BEND5: variants seen among roughly 807,000 people sequenced by gnomAD.
BEND5 encodes BEN domain-containing protein 5.
BEND5 carries 22 observed loss-of-function variants against 43.9 expected under a neutral mutation model. The ratio of observed to expected loss-of-function variants is 0.50; its 90% confidence interval spans 0.36 to 0.72. The LOEUF (loss-of-function observed/expected upper bound fraction) is 0.72, where lower values mean the gene tolerates loss of function less well. Among genes scored for constraint, BEND5 ranks in the 30% least tolerant of loss-of-function variants. The pLI is 0.00. For synonymous variants in BEND5, 228 were observed against 225.9 expected (o/e 1.01, Z -0.08); for missense variants, 428 against 550.6 (o/e 0.78, Z 2.23).
intron 5 of BEND5, among the ~76,000 whole-genome samples, chr1:48,731,737 ATAACT>A (rs1240168403): frequency 6.6e-6 from 1 of 152,240 alleles, no homozygotes; most frequent in African/African-American, 2.4e-5. Flanking sequence ...CACCATGGTA[ATAACT>A]TAAAGTTCAA....
At chr1:48,768,522 A>G (rs1469294610) in intron 1 of BEND5, among the ~76,000 whole-genome samples, 1 of 152,222 alleles carries the variant, frequency 6.6e-6, no homozygotes, top group Non-Finnish European at 1.5e-5. Flanking sequence ...TAATAGGCAA[A>G]TGGTGTTTTA....
intron 4 of BEND5, among the ~76,000 whole-genome samples, chr1:48,737,199 G>A (rs1384109206): frequency 3.3e-5 from 5 of 152,136 alleles, no homozygotes; most frequent in African/African-American, 7.2e-5. Context: ...CAAGAGAATC[G>A]CTTGAACCTG....
chr1:48,759,239 C>T lies in BEND5; in HGVS notation c.406G>A (p.Glu136Lys), dbSNP rs750979533. The change falls in exon 3 of 6, where the codon GAG becomes AAG. Residue 136 changes from glutamate (E) to lysine (K), a missense_variant. Glu to Lys is a moderately conservative substitution (Grantham distance 56). Around this residue, in one of 4 missense-constraint regions of BEND5, gnomAD observed 243 missense variants for 286.4 expected, o/e 0.85. Coordinates refer to ENST00000371833, the MANE Select transcript of BEND5 (RefSeq NM_024603.4). ...TTCTCTAGCCGAGCCACCACTGCCT[C>T]GATGCTCTTGTGCGCCACTTCGCTC... Reference protein sequence around the residue: ...KPSEVAHKSIEAVVARLEKQN... With the variant: ...KPSEVAHKSIKAVVARLEKQN... The T allele has an allele frequency of 3.1e-6, 5 of 1,591,670 alleles. No individual in the cohort carries two copies. Among genetic ancestry groups the T allele is most frequent in the African/African-American group, 2.7e-5 (2 of 74,404 alleles).
In BEND5 at chr1:48,743,984, C is replaced by A. The variant is rs189637690; in HGVS notation, c.746-1213G>T. Among the ~76,000 whole-genome samples, 30 of 152,296 alleles carry A rather than the reference C, an allele frequency of 2.0e-4. No homozygotes were observed. In the East Asian group the frequency reaches 5.4e-3, roughly 27 times the overall value. ...AATGAAACTTGCACAAAGCTGAATG[C>A]AAGATGGTTGGGGAGCAGAACAGTG... On this transcript the variant is annotated intron_variant, in intron 3 of 5. Coordinates refer to ENST00000371833, the MANE Select transcript of BEND5 (RefSeq NM_024603.4).
chr1:48,766,258 C>T (rs1436964082), intron 1 of BEND5, among the ~76,000 whole-genome samples: 1 of 152,082 alleles, frequency 6.6e-6, no homozygotes, highest in Non-Finnish European at 1.5e-5. Flanking sequence ...AGAAACAAAA[C>T]TCTCCTCCTA....
At chr1:48,765,988 TAAG>T (rs1644509322) in intron 1 of BEND5, among the ~76,000 whole-genome samples, 1 of 152,178 alleles carries the variant, frequency 6.6e-6, no homozygotes, top group African/African-American at 2.4e-5. Flanking sequence ...GTTCCGGAAT[TAAG>T]TAGTAGTGAT....
At position 48,761,388 on chromosome 1, in the gene BEND5, A is replaced by G. The variant is rs923580113; in HGVS notation, c.309T>C (p.Asp103=). The change falls in exon 2 of 6, where the codon GAT becomes GAC. Residue 103 remains aspartate (D), a synonymous_variant. Transcript: ENST00000371833. ...CTTCCCCATAATCTTTAACCTCTCC[A>G]TCTTCTTCTACATGATTAAGAGAAA... is the stretch of plus-strand genomic sequence containing the variant. The part of the protein sequence containing the change: ...PKLSLNHVEE[D]GEVKDYGEED... 10 of 1,551,704 alleles carry G rather than the reference A, an allele frequency of 6.4e-6. No homozygotes were observed. The Middle Eastern group carries it at 5.0e-4, about 77-fold the overall frequency.
At chr1:48,761,608 C>G in intron 1 of BEND5, 138 bp from the exon 2 acceptor site, 1 of 872,418 alleles carries the variant, frequency 1.1e-6, no homozygotes, top group Non-Finnish European at 1.7e-6. Context: ...AGACTCAAGG[C>G]TGGTTCCCTC....
At chr1:48,749,574 C>T (rs1307296663) in intron 3 of BEND5, among the ~76,000 whole-genome samples, 2 of 152,190 alleles carry the variant, frequency 1.3e-5, no homozygotes, top group Non-Finnish European at 2.9e-5. Flanking sequence ...ACTGTACTTT[C>T]CAGAGCTTCT....
chr1:48,747,401 A>C (rs867287499), intron 3 of BEND5, among the ~76,000 whole-genome samples: 4 of 152,244 alleles, frequency 2.6e-5, no homozygotes, highest in African/African-American at 9.6e-5. Context: ...CTTTTCATTC[A>C]ATCATTCATG....
chr1:48,768,180 C>CATG (rs10622727), intron 1 of BEND5, among the ~76,000 whole-genome samples: 148,491 of 152,172 alleles, frequency 0.98, 72,544 homozygotes, highest in East Asian at 1. Flanking sequence ...GCACATGTAA[C>CATG]ATGAGTATGT....
chr1:48,755,239 A>C (rs1652366145), intron 3 of BEND5, among the ~76,000 whole-genome samples: 1 of 152,128 alleles, frequency 6.6e-6, no homozygotes, highest in Admixed American at 6.5e-5. Context: ...CTGAGTCCCC[A>C]TCAGTCTGAA....
At chr1:48,741,454 C>CG (rs1351144506) in intron 4 of BEND5, among the ~76,000 whole-genome samples, 4 of 152,206 alleles carry the variant, frequency 2.6e-5, no homozygotes, top group Non-Finnish European at 4.4e-5. Context: ...GCAAAGCTGA[C>CG]GTTTCAAGCC....
rs1433149230 is a variant in BEND5, at chr1:48,759,385, A to G, written c.361-101T>C. The G allele has an allele frequency of 2.7e-6, 4 of 1,465,780 alleles. No individual in the cohort carries two copies. The Admixed American group carries it at 9.3e-5, about 34-fold the overall frequency. 90.8% of individuals were successfully genotyped at this position (1,465,780 alleles called of 1,614,324 possible). On this transcript the variant is annotated intron_variant, in intron 2 of 5. Transcript: ENST00000371833. ...GACAATCCTAAAATCACAGAATCAC[A>G]GAACATCAGTGCTTGGAGAAACCTG...
At chr1:48,762,247 A>T (rs1644299205) in intron 1 of BEND5, among the ~76,000 whole-genome samples, 1 of 152,234 alleles carries the variant, frequency 6.6e-6, no homozygotes, top group Admixed American at 6.5e-5. Flanking sequence ...GTAAAGTGCT[A>T]CACAAATATA....
At chr1:48,733,427 CT>C (rs1648479312) in intron 5 of BEND5, among the ~76,000 whole-genome samples, 1 of 152,148 alleles carries the variant, frequency 6.6e-6, no homozygotes, top group African/African-American at 2.4e-5. Context: ...GTGGAAATTC[CT>C]TTATTTTCCT....
chr1:48,750,605 G>A (rs868692562), intron 3 of BEND5, among the ~76,000 whole-genome samples: 2 of 152,206 alleles, frequency 1.3e-5, no homozygotes, highest in African/African-American at 2.4e-5. Flanking sequence ...AGGTGGCAAG[G>A]GGGGCTTAAC....
chr1:48,759,268 T>C lies in BEND5; in HGVS notation c.377A>G (p.Lys126Arg). 1.3e-6 allele frequency: 2 copies of C among 1,560,040 alleles called. No individual in the cohort carries two copies. The highest frequency in any genetic ancestry group is 4.8e-5 in the East Asian group (2 of 41,462). Reference protein sequence around the residue: ...LRHIKRPEGRKPSEVAHKSIE... With the variant: ...LRHIKRPEGRRPSEVAHKSIE... ...GCTCTTGTGCGCCACTTCGCTCGGC[T>C]TCCGCCCCTCAGGTCTCTGTGTAGG... is the stretch of plus-strand genomic sequence containing the variant. Residue 126 changes from lysine to arginine, a missense_variant, in exon 3 of 6, where the codon AAG becomes AGG. This residue lies in a region of BEND5 where 243 missense variants were observed against 286.4 expected (regional missense o/e 0.85). Transcript: ENST00000371833.
At chr1:48,733,607 G>GT (rs1441955730) in intron 5 of BEND5, among the ~76,000 whole-genome samples, 1 of 152,212 alleles carries the variant, frequency 6.6e-6, no homozygotes, top group African/African-American at 2.4e-5. Context: ...GAGCTAAGGA[G>GT]TGTGTAATGG....
Sources: gnomAD v4.1 joint callset for allele counts (sites outside exome capture counted in the v4.1 genomes callset) on GRCh38, gnomAD v4.1.1 for gene constraint, gnomAD v4.1.1 regional missense constraint, MANE v1.5 for transcripts, NCBI Gene and HGNC (gene_info 2026-07-23, HGNC 2026-07-21) for gene names.